Variants in ZNF461 observed in about 807,000 individuals in gnomAD.
ZNF461 encodes gonadotropin-inducible ovarian transcription factor-1.
Under a neutral mutation model 18.3 loss-of-function variants are expected in ZNF461, and 16 were observed. The ratio of observed to expected loss-of-function variants is 0.88; its 90% CI spans 0.59 to 1.33. The LOEUF (loss-of-function observed/expected upper bound fraction) is 1.33. ZNF461 is among the 40% of genes most tolerant of loss of function. The probability of loss-of-function intolerance (pLI) is 0.00; values close to 1 mark genes in which losing one functional copy is unlikely to be tolerated. For synonymous variants in ZNF461, 179 were observed against 216.9 expected (o/e 0.83, Z 1.54); for missense variants, 595 against 669.9 (o/e 0.89, Z 1.23).
At chr19:36,659,348 G>A (rs934047514) in intron 2 of ZNF461, among the ~76,000 whole-genome samples, 42 of 152,328 alleles carry the variant, frequency 2.8e-4, no homozygotes, top group African/African-American at 9.6e-4. Context: ...AACCATGATT[G>A]TTGTTTTAAT....
chr19:36,650,537 T>G lies in ZNF461; in HGVS notation c.232+5911A>C, dbSNP rs188571570. ...TTCATGTGATGTTTTACACAACGTC[T>G]TCCAGAAAACAGAAGAAAAGACAAC... On this transcript the variant is annotated intron_variant, in intron 4 of 5. Transcript: ENST00000588268. Among the ~76,000 whole-genome samples, 69 of 152,260 alleles carry G rather than the reference T, an allele frequency of 4.5e-4. No individual in the cohort carries two copies. In the Middle Eastern group the frequency reaches 0.01, roughly 23 times the overall value.
intron 2 of ZNF461, among the ~76,000 whole-genome samples, chr19:36,660,170 TA>T (rs2037793144): frequency 6.7e-6 from 1 of 149,258 alleles, no homozygotes; most frequent in Admixed American, 6.7e-5. Flanking sequence ...TTTTTTTTTT[TA>T]AGCAGAATAT....
At chr19:36,643,652 CAG>C (rs1345647826) in intron 5 of ZNF461, 140 bp downstream of exon 5, 1 of 700,146 alleles carries the variant, frequency 1.4e-6, no homozygotes, top group African/African-American at 1.9e-5. Flanking sequence ...TGAAATCTAA[CAG>C]AATGCGTGAT....
In ZNF461 at chr19:36,643,987, C is replaced by T. The variant is rs552075060; in HGVS notation, c.233-125G>A. 152 of 713,104 alleles carry T rather than the reference C, an allele frequency of 2.1e-4. No individual in the cohort carries two copies. In the African/African-American group the frequency reaches 2.6e-3, roughly 12 times the overall value. The allele number at this position is 713,104 out of a possible 1,614,324, so 44.2% of individuals were successfully genotyped here. On this transcript the variant is annotated intron_variant, in intron 4 of 5. Coordinates refer to ENST00000588268, the MANE Select transcript of ZNF461 (RefSeq NM_153257.5). ...CGCTCTTGTTGCCCAAGCTGGAGTGCAATCACACAATCTCAGCTCACTGCA... is the reference window on the plus strand; with the variant it reads ...CGCTCTTGTTGCCCAAGCTGGAGTGTAATCACACAATCTCAGCTCACTGCA...
chr19:36,663,114 G>A (rs1194490855), intron 2 of ZNF461, among the ~76,000 whole-genome samples: 8 of 152,124 alleles, frequency 5.3e-5, no homozygotes, highest in African/African-American at 1.7e-4. Flanking sequence ...TACTTTAAAA[G>A]TATATAATGT....
intron 4 of ZNF461, among the ~76,000 whole-genome samples, chr19:36,651,153 C>A (rs2037618999): frequency 6.7e-6 from 1 of 149,790 alleles, no homozygotes; most frequent in African/African-American, 2.5e-5. Context: ...ATGGTGTGAG[C>A]CTGGGAGGCG....
intron 3 of ZNF461, among the ~76,000 whole-genome samples, chr19:36,657,113 C>G: frequency 6.6e-6 from 1 of 151,908 alleles, no homozygotes; most frequent in East Asian, 1.9e-4. Flanking sequence ...AGCCACAGCA[C>G]CCAGCCTCCT....
At chr19:36,645,853 C>T (rs1343775735) in intron 4 of ZNF461, among the ~76,000 whole-genome samples, 2 of 152,170 alleles carry the variant, frequency 1.3e-5, no homozygotes, top group African/African-American at 4.8e-5. Context: ...GGAGCGAACT[C>T]AGCTAACTGC....
At position 36,639,141 on chromosome 19, in the gene ZNF461, G is replaced by A. The variant is rs1300142898; in HGVS notation, c.1204C>T (p.His402Tyr). 4 of 1,613,586 alleles carry A rather than the reference G, an allele frequency of 2.5e-6. No homozygotes were observed. Among genetic ancestry groups the A allele is most frequent in the Non-Finnish European group, 2.5e-6 (3 of 1,179,926 alleles). The change falls in exon 6 of 6, where the codon CAC (histidine) becomes TAC (tyrosine). Residue 402 changes from histidine to tyrosine, a missense_variant. Coordinates refer to ENST00000588268, the MANE Select transcript of ZNF461 (RefSeq NM_153257.5). ...KAFSYHSSFS[H>Y]HQKIHSGKKP... is the part of the protein sequence containing the mutation. ...TTGCCAGAATGAATTTTCTGATGGT[G>A]TGAGAAGCTTGAGTGATAGCTAAAG...
chr19:36,664,912 C>T (rs1283481274), intron 1 of ZNF461, 126 bp from the exon 2 acceptor site: 16 of 385,570 alleles, frequency 4.1e-5, no homozygotes, highest in Non-Finnish European at 7.4e-5. Context: ...TACATACATA[C>T]ATAAATTATT....
Position 36,637,988 on chromosome 19 carries a change from C to T in ZNF461, c.*665G>A, listed in dbSNP as rs909434081. 3.3e-5 allele frequency: 9 copies of T among 269,026 alleles called. No homozygotes were observed. Among genetic ancestry groups the T allele is most frequent in the Admixed American group, 2.6e-4 (5 of 19,250 alleles). 16.7% of individuals were successfully genotyped at this position (269,026 alleles called of 1,614,324 possible). A position where few individuals can be genotyped will look rare whatever the true frequency, so the allele number is the denominator to read the frequency against. ...AATAAATGTAATGTCAAAATATATA[C>T]GCCAGATACTCTTTAATCCCACTGT... On this transcript the variant is annotated 3_prime_UTR_variant, in exon 6 of 6. Coordinates refer to ENST00000588268, the MANE Select transcript of ZNF461 (RefSeq NM_153257.5).
intron 3 of ZNF461, chr19:36,657,612 C>A (rs1006886189): frequency 1.3e-5 from 2 of 151,748 alleles, no homozygotes; most frequent in South Asian, 4.2e-4. Context: ...AAACACATCT[C>A]TACTAAAAAT....
intron 2 of ZNF461, among the ~76,000 whole-genome samples, chr19:36,659,703 GT>G: frequency 6.6e-6 from 1 of 152,168 alleles, no homozygotes; most frequent in Admixed American, 6.5e-5. Context: ...GGTCTTAACT[GT>G]TATCATCCAC....
In ZNF461 at chr19:36,637,922, T is replaced by C; in HGVS notation, c.*731A>G. On this transcript the variant is annotated 3_prime_UTR_variant, in exon 6 of 6. Coordinates refer to ENST00000588268, the MANE Select transcript of ZNF461 (RefSeq NM_153257.5). ...TTTGGTAATTTTTGAATTTTTATAA[T>C]GTGTGCTTTTATTAAACAAAAAATT... The C allele has an allele frequency of 2.8e-6, 1 of 352,384 alleles. No individual in the cohort carries two copies. Among genetic ancestry groups the C allele is most frequent in the Admixed American group, 4.1e-5 (1 of 24,122 alleles). 21.8% of individuals were successfully genotyped at this position (352,384 alleles called of 1,614,324 possible).
At chr19:36,666,654 T>TC (rs57524957) in intron 1 of ZNF461, 36 bp downstream of exon 1, 102,602 of 152,110 alleles carry the variant, frequency 0.67, 34,968 homozygotes, top group East Asian at 0.82. Flanking sequence ...CTATAGACAT[T>TC]CCCTTCCGCG....
chr19:36,641,307 G>A lies in ZNF461; in HGVS notation c.302-1264C>T, dbSNP rs567371183. Among the ~76,000 whole-genome samples, 4 of 152,114 alleles carry A rather than the reference G, an allele frequency of 2.6e-5. No individual in the cohort carries two copies. In the South Asian group the frequency reaches 8.3e-4, roughly 32 times the overall value. ...GACCTAGGCGGGTAGATCACTTGAG[G>A]TCAGGCATTGGAGACCAGCCTGGCC... On this transcript the variant is annotated intron_variant, in intron 5 of 5. Transcript: ENST00000588268.
chr19:36,643,963 G>A (rs532854089), intron 4 of ZNF461, 101 bp from the exon 5 acceptor site: 14 of 984,192 alleles, frequency 1.4e-5, no homozygotes, highest in Admixed American at 7.5e-5. Flanking sequence ...ACAGAGTTTC[G>A]CTCTTGTTGC....
At chr19:36,646,957 G>A (rs73929130) in intron 4 of ZNF461, among the ~76,000 whole-genome samples, 11 of 152,216 alleles carry the variant, frequency 7.2e-5, no homozygotes, top group Admixed American at 3.3e-4. Context: ...AGCTCTTGGG[G>A]TTCTCAATAG....
intron 4 of ZNF461, among the ~76,000 whole-genome samples, chr19:36,650,733 T>C (rs1300886302): frequency 6.6e-6 from 1 of 151,870 alleles, no homozygotes; most frequent in Non-Finnish European, 1.5e-5. Context: ...AAGCATAATA[T>C]ACCATGACTA....
Sources: allele counts gnomAD v4.1 joint callset (sites outside exome capture counted in the v4.1 genomes callset), GRCh38; gene constraint gnomAD v4.1.1; transcripts MANE v1.5; gene names NCBI Gene and HGNC (gene_info 2026-07-23, HGNC 2026-07-21).